ICOS: variants seen among roughly 807,000 people sequenced by gnomAD.
ICOS encodes inducible T cell costimulator.
Under a neutral mutation model 24.6 loss-of-function variants are expected in ICOS, and 15 were observed. That is an observed-to-expected ratio of 0.61 (90% CI 0.41 to 0.94). ICOS has a LOEUF of 0.94. Among genes scored for constraint, ICOS ranks in the 40% least tolerant of loss-of-function variants. The pLI, the probability that ICOS is intolerant of heterozygous loss-of-function variation, is 0.00. For synonymous variants in ICOS, 89 were observed against 77.5 expected (o/e 1.15, Z -0.78); for missense variants, 200 against 233.0 (o/e 0.86, Z 0.92).
At chr2:203,956,804 A>T in intron 3 of ICOS, 39 bp downstream of exon 3, 1 of 1,289,300 alleles carries the variant, frequency 7.8e-7, no homozygotes, top group Non-Finnish European at 1.1e-6. Context: ...TGCTTTACAG[A>T]TGCACATCAG....
intron 4 of ICOS, 130 bp downstream of exon 4, chr2:203,958,013 GA>G (rs1559036452): frequency 4.7e-6 from 3 of 633,830 alleles, no homozygotes; most frequent in Non-Finnish European, 8.5e-6. Context: ...AATTTTCTGT[GA>G]AAATCTGGAT....
intron 1 of ICOS, among the ~76,000 whole-genome samples, chr2:203,946,423 GCTTT>G (rs1689869586): frequency 8.5e-6 from 1 of 117,704 alleles, no homozygotes; most frequent in African/African-American, 3.2e-5. Flanking sequence ...TTTTTTTTTT[GCTTT>G]CTTTTTTTTT....
In ICOS at chr2:203,959,628, C is replaced by A. The variant is rs777956310; in HGVS notation, c.*29C>A. Reference sequence around the variant, plus strand: ...GGAACTCTGGCACCCAGGCATGAAGCACGTTGGCCAGTTTTCCTCAACTTG... The same window carrying A: ...GGAACTCTGGCACCCAGGCATGAAGAACGTTGGCCAGTTTTCCTCAACTTG... On this transcript the variant is annotated 3_prime_UTR_variant, in exon 5 of 5. Coordinates refer to ENST00000316386, the MANE Select transcript of ICOS (RefSeq NM_012092.4). 1 of 1,610,418 alleles carries A rather than the reference C, an allele frequency of 6.2e-7. No homozygotes were observed. Among genetic ancestry groups the A allele is most frequent in the East Asian group, 2.2e-5 (1 of 44,868 alleles).
At chr2:203,946,366 A>G (rs538371338) in intron 1 of ICOS, among the ~76,000 whole-genome samples, 1 of 150,848 alleles carries the variant, frequency 6.6e-6, no homozygotes, top group Non-Finnish European at 1.5e-5. Flanking sequence ...GTGTGTGTTC[A>G]TGAGCACTCT....
chr2:203,960,830 G>A lies in ICOS; in HGVS notation c.*1231G>A, dbSNP rs1349729932. ...GGTATTCTTGCTCCCAGAGGCTGAA[G>A]TCACCCTGGGAATCACAGTGGTCTA... On this transcript the variant is annotated 3_prime_UTR_variant, in exon 5 of 5. Transcript: ENST00000316386. The A allele has an allele frequency of 6.6e-6, 1 of 152,198 alleles. No homozygotes were observed. The highest frequency in any genetic ancestry group is 2.4e-5 in the African/African-American group (1 of 41,436). The allele number at this position is 152,198 out of a possible 1,614,324, so 9.4% of individuals were successfully genotyped here.
At chr2:203,955,221 A>G (rs997311179) in intron 1 of ICOS, among the ~76,000 whole-genome samples, 1 of 152,176 alleles carries the variant, frequency 6.6e-6, no homozygotes, top group Non-Finnish European at 1.5e-5. Context: ...AATCAAAATT[A>G]TAACCCACCT....
In ICOS at chr2:203,956,696, C is replaced by G; in HGVS notation, c.432C>G (p.Pro144=). ...GTTGCCAGCTGAAGTTCTGGTTACC[C>G]ATAGGATGTGCAGCCTTTGTTGTAG... ...QLCCQLKFWL[P]IGCAAFVVVC... Residue 144 remains proline (P), a synonymous_variant, in exon 3 of 5, where the codon CCC becomes CCG. Transcript: ENST00000316386. 1 of 1,613,488 alleles carries G rather than the reference C, an allele frequency of 6.2e-7. No homozygotes were observed. Among genetic ancestry groups the G allele is most frequent in the Non-Finnish European group, 8.5e-7 (1 of 1,179,532 alleles).
At position 203,959,867 on chromosome 2, in the gene ICOS, A is replaced by G. The variant is rs548691205; in HGVS notation, c.*268A>G. 3 of 560,006 alleles carry G rather than the reference A, an allele frequency of 5.4e-6. No homozygotes were observed. The South Asian group carries it at 6.0e-5, about 11-fold the overall frequency. The allele number at this position is 560,006 out of a possible 1,614,324, so 34.7% of individuals were successfully genotyped here. On this transcript the variant is annotated 3_prime_UTR_variant, in exon 5 of 5. Transcript: ENST00000316386. The stretch of plus-strand genomic sequence containing the variant: ...GCTCCTGTGTGCTCACTGGGAGTGG[A>G]ATCCCTGTCTCCACATCTGCTCCTA...
intron 1 of ICOS, among the ~76,000 whole-genome samples, chr2:203,944,654 G>A (rs1290878263): frequency 6.6e-6 from 1 of 152,064 alleles, no homozygotes; most frequent in African/African-American, 2.4e-5. Flanking sequence ...TATGTTCAAG[G>A]TCCTGGGATT....
At chr2:203,956,883 C>T in intron 3 of ICOS, 118 bp downstream of exon 3, 1 of 732,780 alleles carries the variant, frequency 1.4e-6, no homozygotes, top group Non-Finnish European at 2.5e-6. Context: ...GAGACAATTC[C>T]TTCCCCCCAA....
intron 1 of ICOS, among the ~76,000 whole-genome samples, chr2:203,945,240 A>G (rs1181539128): frequency 1.3e-5 from 2 of 152,112 alleles, no homozygotes; most frequent in African/African-American, 4.8e-5. Flanking sequence ...ATAAGGGAAG[A>G]CATGAAAAAG....
At chr2:203,938,234 C>A (rs1035876411) in intron 1 of ICOS, among the ~76,000 whole-genome samples, 9 of 152,160 alleles carry the variant, frequency 5.9e-5, no homozygotes, top group African/African-American at 2.2e-4. Flanking sequence ...AGCTGAGGAG[C>A]AGGGTTCATT....
intron 1 of ICOS, among the ~76,000 whole-genome samples, chr2:203,952,037 A>G (rs1466712170): frequency 6.6e-6 from 1 of 152,204 alleles, no homozygotes; most frequent in Non-Finnish European, 1.5e-5. Context: ...TTATTATAAA[A>G]CAAAACATAC....
In ICOS at chr2:203,937,301, T is replaced by C. The variant is rs566926277; in HGVS notation, c.58+429T>C. Among the ~76,000 whole-genome samples the C allele has an allele frequency of 3.3e-5, 5 of 152,318 alleles. No individual in the cohort carries two copies. In the East Asian group the frequency reaches 9.7e-4, roughly 29 times the overall value. On this transcript the variant is annotated intron_variant, in intron 1 of 4. Transcript: ENST00000316386. ...TGGGAAGTCTTTGAAAAGAAGGATT[T>C]TGATTTTAATCTTACCTGGATGATC... is the stretch of plus-strand genomic sequence containing the variant.
chr2:203,954,310 G>A (rs369520405), intron 1 of ICOS, among the ~76,000 whole-genome samples: 1 of 152,192 alleles, frequency 6.6e-6, no homozygotes, highest in East Asian at 1.9e-4. Flanking sequence ...GTGGGGCTGG[G>A]CATGGTGGTT....
At chr2:203,954,840 A>G (rs551560457) in intron 1 of ICOS, among the ~76,000 whole-genome samples, 21 of 148,700 alleles carry the variant, frequency 1.4e-4, no homozygotes, top group Admixed American at 4.8e-4. Context: ...ATATTGTAAT[A>G]TACATATACA....
At chr2:203,941,441 A>G (rs530502592) in intron 1 of ICOS, among the ~76,000 whole-genome samples, 14 of 152,288 alleles carry the variant, frequency 9.2e-5, no homozygotes, top group African/African-American at 1.9e-4. Context: ...TGAAATTCTT[A>G]TATTTACTCA....
At chr2:203,943,016 C>A (rs1012612285) in intron 1 of ICOS, among the ~76,000 whole-genome samples, 2 of 152,114 alleles carry the variant, frequency 1.3e-5, no homozygotes, top group African/African-American at 4.8e-5. Flanking sequence ...ATTGTTTTTT[C>A]TTTAAGCTAT....
chr2:203,944,983 T>A (rs953964854), intron 1 of ICOS, among the ~76,000 whole-genome samples: 3 of 151,982 alleles, frequency 2.0e-5, no homozygotes, highest in Non-Finnish European at 4.4e-5. Context: ...AGAACAGAAG[T>A]GTGAAAGAAA....
Sources: gnomAD v4.1 joint callset for allele counts (sites outside exome capture counted in the v4.1 genomes callset) on GRCh38, gnomAD v4.1.1 for gene constraint, MANE v1.5 for transcripts, NCBI Gene and HGNC (gene_info 2026-07-23, HGNC 2026-07-21) for gene names.